MED15: variants seen among roughly 807,000 people sequenced by gnomAD.
The protein encoded by MED15 is mediator complex subunit 15.
MED15 carries 41 observed loss-of-function variants against 118.7 expected under a neutral mutation model. The observed-to-expected ratio is 0.35, with a 90% CI of 0.27 to 0.45. The LOEUF (loss-of-function observed/expected upper bound fraction) is 0.45. Ranked by LOEUF, MED15 falls within the 20% of genes least tolerant of loss-of-function variation. The pLI, the probability that MED15 is intolerant of heterozygous loss-of-function variation, is 1.00. For missense variants in MED15, 740 were observed against 1,025.5 expected (o/e 0.72, Z 3.80); for synonymous variants, 436 against 413.9 (o/e 1.05, Z -0.65).
chr22:20,528,898 C>G (rs1390059084), intron 1 of MED15, among the ~76,000 whole-genome samples: 5 of 152,154 alleles, frequency 3.3e-5, no homozygotes, highest in Non-Finnish European at 7.3e-5. Flanking sequence ...TCACCTGGTG[C>G]TGGAGTAGCT....
At chr22:20,511,171 G>T (rs1021502853) in intron 1 of MED15, among the ~76,000 whole-genome samples, 13 of 152,152 alleles carry the variant, frequency 8.5e-5, no homozygotes, top group African/African-American at 2.7e-4. Context: ...GGCCATTTTG[G>T]GAAATGCTTT....
intron 7 of MED15, among the ~76,000 whole-genome samples, chr22:20,567,398 A>C (rs946816104): frequency 1.3e-5 from 2 of 152,168 alleles, no homozygotes; most frequent in Non-Finnish European, 2.9e-5. Context: ...GGATGAAGGT[A>C]GCTGCATCAA....
At chr22:20,520,602 A>G (rs2054411826) in intron 1 of MED15, among the ~76,000 whole-genome samples, 1 of 152,164 alleles carries the variant, frequency 6.6e-6, no homozygotes, top group Non-Finnish European at 1.5e-5. Flanking sequence ...AACGACACGC[A>G]TACTTCCAAT....
rs5995779 is a variant in MED15, at chr22:20,537,079, T to C, written c.69-38T>C. On this transcript the variant is annotated intron_variant, in intron 1 of 17. Coordinates refer to ENST00000263205, the MANE Select transcript of MED15 (RefSeq NM_001003891.3). The stretch of plus-strand genomic sequence containing the variant: ...CAGGGCCCTGCAGCGGTGGAGTCAC[T>C]GGTGTGTGCAAACGTCTCTTCTCCT... 4.8e-3 allele frequency: 7,596 copies of C among 1,591,768 alleles called. 307 individuals are homozygous for C. In the African/African-American group the frequency reaches 0.089, roughly 19 times the overall value.
intron 5 of MED15, 124 bp from the exon 6 acceptor site, chr22:20,564,326 C>A: frequency 6.7e-7 from 1 of 1,500,562 alleles, no homozygotes; most frequent in Non-Finnish European, 9.0e-7. Flanking sequence ...ATGGAACGTT[C>A]AGATTCCAGC....
intron 1 of MED15, chr22:20,508,171 G>A (rs1463489660): frequency 1.6e-6 from 2 of 1,217,060 alleles, no homozygotes; most frequent in East Asian, 5.6e-5. Flanking sequence ...TGGGAGGAGG[G>A]TGGATGTAAG....
rs760375687 is a variant in MED15, at chr22:20,582,682, G to A, written c.1344G>A (p.Met448Ile). Residue 448 changes from methionine to isoleucine, a missense_variant, in exon 10 of 18, where the codon ATG becomes ATA. Physicochemically the swap from Met to Ile is conservative, Grantham distance 10. Coordinates refer to ENST00000263205, the MANE Select transcript of MED15 (RefSeq NM_001003891.3). ...PGQQVQTPQS[M>I]PPPPQPSPQP... is the part of the protein sequence containing the mutation. ...AGCAGGTGCAGACCCCGCAGTCGATGCCCCCTCCCCCCCAGCCGTCCCCGC... is the reference window on the plus strand; with the variant it reads ...AGCAGGTGCAGACCCCGCAGTCGATACCCCCTCCCCCCCAGCCGTCCCCGC... 3 of 1,597,492 alleles carry A rather than the reference G, an allele frequency of 1.9e-6. No individual in the cohort carries two copies. Among genetic ancestry groups the A allele is most frequent in the Non-Finnish European group, 2.5e-6 (3 of 1,178,204 alleles).
intron 2 of MED15, among the ~76,000 whole-genome samples, chr22:20,548,495 G>A (rs779366915): frequency 1.3e-5 from 2 of 152,130 alleles, no homozygotes; most frequent in Non-Finnish European, 2.9e-5. Context: ...AATAGTAAAA[G>A]ATTTATGTGC....
At chr22:20,559,662 A>G (rs1419391859) in intron 5 of MED15, among the ~76,000 whole-genome samples, 1 of 152,232 alleles carries the variant, frequency 6.6e-6, no homozygotes, top group Admixed American at 6.5e-5. Context: ...GTAGAGTCAG[A>G]AAGGTAATAG....
intron 9 of MED15, chr22:20,582,235 A>G (rs2057008509): frequency 3.0e-6 from 1 of 337,446 alleles, no homozygotes; most frequent in African/African-American, 2.2e-5. Flanking sequence ...ACCGACCCAC[A>G]GAGGAGCATG....
chr22:20,517,956 T>G (rs1448925142), intron 1 of MED15, among the ~76,000 whole-genome samples: 1 of 149,438 alleles, frequency 6.7e-6, no homozygotes, highest in African/African-American at 2.5e-5. Context: ...AGCCTGATGG[T>G]GATGAGGGTG....
Position 20,583,264 on chromosome 22 carries a change from G to A in MED15, c.1672+17G>A, listed in dbSNP as rs1400322613. The A allele has an allele frequency of 1.2e-6, 2 of 1,612,052 alleles. No individual in the cohort carries two copies. The highest frequency in any genetic ancestry group is 1.7e-6 in the Non-Finnish European group (2 of 1,178,684). ...AGAACGAAGGTAGGCTGCAGCCAGG[G>A]CAGGGGCCTGCACCCTGGGGACACC... On this transcript the variant is annotated intron_variant, in intron 12 of 17. Coordinates refer to ENST00000263205, the MANE Select transcript of MED15 (RefSeq NM_001003891.3).
intron 6 of MED15, among the ~76,000 whole-genome samples, chr22:20,565,593 C>T (rs1029752886): frequency 1.1e-4 from 16 of 152,214 alleles, no homozygotes; most frequent in Admixed American, 5.2e-4. Flanking sequence ...ACCACCCTCC[C>T]ACCCCTTCAG....
At chr22:20,540,489 A>C (rs1352809197) in intron 2 of MED15, among the ~76,000 whole-genome samples, 2 of 152,064 alleles carry the variant, frequency 1.3e-5, no homozygotes, top group African/African-American at 2.4e-5. Flanking sequence ...CTGGAGGGTC[A>C]CTTGATCCCA....
intron 5 of MED15, among the ~76,000 whole-genome samples, chr22:20,560,658 A>G (rs2056201751): frequency 6.6e-6 from 1 of 152,184 alleles, no homozygotes; most frequent in South Asian, 2.1e-4. Context: ...TGGCTATCCA[A>G]AGTGTGAGAT....
At chr22:20,561,411 T>G (rs1302628076) in intron 5 of MED15, among the ~76,000 whole-genome samples, 7 of 151,850 alleles carry the variant, frequency 4.6e-5, no homozygotes, top group Non-Finnish European at 1.0e-4. Flanking sequence ...TCCCAGCTAC[T>G]TGGGAGGCTG....
chr22:20,553,340 T>G (rs2055864432), intron 4 of MED15, among the ~76,000 whole-genome samples, 166 bp downstream of exon 4: 1 of 152,084 alleles, frequency 6.6e-6, no homozygotes, highest in Non-Finnish European at 1.5e-5. Context: ...CCCTGACCTC[T>G]CCAGCCTTCG....
In MED15 at chr22:20,586,850, C is replaced by T. The variant is rs892886137; in HGVS notation, c.*146C>T. Reference sequence around the variant, plus strand: ...TCTTCTGCCTTGGGGACCTGCCAAACGAAATCCCACACCTGTACAGAACTG... The same window carrying T: ...TCTTCTGCCTTGGGGACCTGCCAAATGAAATCCCACACCTGTACAGAACTG... On this transcript the variant is annotated 3_prime_UTR_variant, in exon 18 of 18. Coordinates refer to ENST00000263205, the MANE Select transcript of MED15 (RefSeq NM_001003891.3). The T allele has an allele frequency of 1.5e-5, 19 of 1,228,976 alleles. No individual in the cohort carries two copies. The highest frequency in any genetic ancestry group is 2.5e-5 in the Admixed American group (1 of 40,278). 76.1% of individuals were successfully genotyped at this position (1,228,976 alleles called of 1,614,324 possible).
Position 20,507,693 on chromosome 22 carries a change from G to A in MED15, c.15G>A (p.Gly5=). ...GGGGAACAGGCATGGACGTTTCCGG[G>A]CAAGAGACCGACTGGCGGAGCACCG... is the stretch of plus-strand genomic sequence containing the variant. MDVS[G]QETDWRSTAF... The change falls in exon 1 of 18, where the codon GGG becomes GGA. Residue 5 remains glycine (G), a synonymous_variant. Coordinates refer to ENST00000263205, the MANE Select transcript of MED15 (RefSeq NM_001003891.3). The A allele has an allele frequency of 6.2e-7, 1 of 1,613,954 alleles. No individual in the cohort carries two copies. The highest frequency in any genetic ancestry group is 2.2e-5 in the East Asian group (1 of 44,892).
Sources: allele counts gnomAD v4.1 joint callset (sites outside exome capture counted in the v4.1 genomes callset), GRCh38; gene constraint gnomAD v4.1.1; transcripts MANE v1.5; gene names NCBI Gene and HGNC (gene_info 2026-07-23, HGNC 2026-07-21).